The following SLC12A6 variants were observed in gnomAD, a reference collection of about 807,000 sequenced individuals.
The protein encoded by SLC12A6 is K-Cl cotransporter 3.
SLC12A6 carries 66 observed loss-of-function variants against 135.3 expected under a neutral mutation model. The observed-to-expected ratio is 0.49, with a 90% CI of 0.40 to 0.60. The LOEUF is 0.60. Ranked by LOEUF, SLC12A6 falls within the 20% of genes least tolerant of loss-of-function variation. SLC12A6 has a pLI of 0.00. For missense variants in SLC12A6, 1,058 were observed against 1,452.3 expected (o/e 0.73, Z 4.41); for synonymous variants, 513 against 508.8 (o/e 1.01, Z -0.11).
chr15:34,304,865 T>C (rs1896495214), intron 2 of SLC12A6, among the ~76,000 whole-genome samples: 2 of 152,216 alleles, frequency 1.3e-5, no homozygotes, highest in South Asian at 4.1e-4. Flanking sequence ...ATTATTTCTA[T>C]CCCTTTCATC....
At chr15:34,245,208 T>C (rs1452143881) in intron 15 of SLC12A6, 77 bp downstream of exon 15, 1 of 854,350 alleles carries the variant, frequency 1.2e-6, no homozygotes, top group Non-Finnish European at 2.1e-6. Context: ...ATCACTACTG[T>C]TATATGACTG....
At chr15:34,255,497 T>C (rs1367807479) in intron 7 of SLC12A6, 105 bp from the exon 8 acceptor site, 1 of 836,258 alleles carries the variant, frequency 1.2e-6, no homozygotes, top group Non-Finnish European at 2.0e-6. Context: ...GGTTAAATGT[T>C]TCAGGCTTCT....
At chr15:34,331,331 G>T (rs1217950806) in intron 2 of SLC12A6, among the ~76,000 whole-genome samples, 1 of 152,144 alleles carries the variant, frequency 6.6e-6, no homozygotes, top group Non-Finnish European at 1.5e-5. Context: ...AGTAGAGACG[G>T]GGTTTCACCA....
chr15:34,300,485 C>T (rs547238835), intron 2 of SLC12A6, among the ~76,000 whole-genome samples: 1 of 152,166 alleles, frequency 6.6e-6, no homozygotes, highest in African/African-American at 2.4e-5. Context: ...AGCCATAACA[C>T]AGCTGCCAGG....
chr15:34,309,868 G>C (rs1304807385), intron 2 of SLC12A6, among the ~76,000 whole-genome samples: 1 of 152,032 alleles, frequency 6.6e-6, no homozygotes, highest in Non-Finnish European at 1.5e-5. Context: ...GCTGGTAAAA[G>C]CCTCCCATGA....
At chr15:34,331,913 C>T (rs1889876521) in intron 2 of SLC12A6, among the ~76,000 whole-genome samples, 1 of 152,062 alleles carries the variant, frequency 6.6e-6, no homozygotes, top group Non-Finnish European at 1.5e-5. Flanking sequence ...TACACTTAGA[C>T]CTCAACTCTC....
At chr15:34,317,450 TC>T in intron 2 of SLC12A6, among the ~76,000 whole-genome samples, 1 of 152,320 alleles carries the variant, frequency 6.6e-6, no homozygotes, top group African/African-American at 2.4e-5. Context: ...ACACCTGTAA[TC>T]CCAGCACTTT....
intron 2 of SLC12A6, among the ~76,000 whole-genome samples, chr15:34,312,503 T>C (rs979510475): frequency 6.6e-6 from 1 of 152,170 alleles, no homozygotes; most frequent in Non-Finnish European, 1.5e-5. Flanking sequence ...AACAGATTAT[T>C]ATAATACAGT....
At chr15:34,285,927 G>A (rs1895042366) in intron 2 of SLC12A6, among the ~76,000 whole-genome samples, 1 of 151,970 alleles carries the variant, frequency 6.6e-6, no homozygotes, top group Non-Finnish European at 1.5e-5. Flanking sequence ...GGGTGGTAGG[G>A]AGTGGAAAAT....
Position 34,240,801 on chromosome 15 carries a change from C to T in SLC12A6, c.2296G>A (p.Asp766Asn). The change falls in exon 19 of 26, where the codon GAT (aspartate) becomes AAT (asparagine). Residue 766 changes from aspartate (D) to asparagine (N), a missense_variant. Physicochemically the swap from Asp to Asn is conservative, Grantham distance 23. Transcript: ENST00000354181. ...RPQLLVLLKL[D>N]EDLHVKHPRL... ...GGATGCTTGACATGTAAGTCTTCATCTAGTTTCAGTAATACAAGCAACTGA... is the reference window on the plus strand; with the variant it reads ...GGATGCTTGACATGTAAGTCTTCATTTAGTTTCAGTAATACAAGCAACTGA... 1 of 1,613,886 alleles carries T rather than the reference C, an allele frequency of 6.2e-7. No homozygotes were observed. The highest frequency in any genetic ancestry group is 1.7e-5 in the Admixed American group (1 of 59,968).
intron 3 of SLC12A6, among the ~76,000 whole-genome samples, chr15:34,274,704 T>C (rs1265485311): frequency 6.6e-6 from 1 of 151,954 alleles, no homozygotes; most frequent in Non-Finnish European, 1.5e-5. Flanking sequence ...TCCCAGCTAC[T>C]TGGGAGGCTG....
At chr15:34,323,742 G>A (rs55745608) in intron 2 of SLC12A6, among the ~76,000 whole-genome samples, 3 of 151,940 alleles carry the variant, frequency 2.0e-5, no homozygotes, top group Admixed American at 6.6e-5. Flanking sequence ...CTTGAGCTCA[G>A]GAGTTTGAGA....
intron 2 of SLC12A6, among the ~76,000 whole-genome samples, chr15:34,297,079 T>A (rs773723595): frequency 2.6e-5 from 4 of 152,182 alleles, no homozygotes; most frequent in African/African-American, 9.7e-5. Context: ...TAACTGAAAG[T>A]TGGAAGCACT....
chr15:34,293,372 T>A (rs181064713), intron 2 of SLC12A6, among the ~76,000 whole-genome samples: 3 of 152,012 alleles, frequency 2.0e-5, no homozygotes, highest in Admixed American at 2.0e-4. Flanking sequence ...TGGTGCAAAC[T>A]CAGATCTCTG....
Position 34,233,801 on chromosome 15 carries a change from G to A in SLC12A6, c.*80C>T. On this transcript the variant is annotated 3_prime_UTR_variant, in exon 26 of 26. Transcript: ENST00000354181. The stretch of plus-strand genomic sequence containing the variant: ...AACACAGGCTTCTAGTTGAGTGGGA[G>A]TGGTAGTAATGAGCTGGCACTTCCA... 1.3e-6 allele frequency: 1 copy of A among 783,008 alleles called. No individual in the cohort carries two copies. Among genetic ancestry groups the A allele is most frequent in the Admixed American group, 1.8e-5 (1 of 55,528 alleles). 48.5% of individuals were successfully genotyped at this position (783,008 alleles called of 1,614,324 possible). A position where few individuals can be genotyped will look rare whatever the true frequency, so the allele number is the denominator to read the frequency against.
At chr15:34,318,015 C>T (rs1888771399) in intron 2 of SLC12A6, among the ~76,000 whole-genome samples, 1 of 152,074 alleles carries the variant, frequency 6.6e-6, no homozygotes, top group Non-Finnish European at 1.5e-5. Flanking sequence ...TACTTTTGTT[C>T]TGCCATTAAA....
At chr15:34,328,283 G>A (rs1279930009) in intron 2 of SLC12A6, among the ~76,000 whole-genome samples, 1 of 152,120 alleles carries the variant, frequency 6.6e-6, no homozygotes, top group African/African-American at 2.4e-5. Context: ...CAAAACTTCA[G>A]GTTTCGCAAA....
intron 2 of SLC12A6, among the ~76,000 whole-genome samples, chr15:34,275,768 T>G (rs1016006246): frequency 4.6e-5 from 7 of 152,208 alleles, no homozygotes; most frequent in African/African-American, 1.4e-4. Flanking sequence ...GGAAAATTAT[T>G]CAGCTATAAA....
chr15:34,245,576 T>C (rs931962573), intron 14 of SLC12A6, 117 bp downstream of exon 14: 1 of 995,280 alleles, frequency 1.0e-6, no homozygotes, highest in Non-Finnish European at 1.6e-6. Flanking sequence ...GAGGTTCTTG[T>C]ACTAAAAACC....
Sources: allele counts gnomAD v4.1 joint callset (sites outside exome capture counted in the v4.1 genomes callset), GRCh38; gene constraint gnomAD v4.1.1; transcripts MANE v1.5; gene names NCBI Gene and HGNC (gene_info 2026-07-23, HGNC 2026-07-21).